The following SARDH variants were observed in gnomAD, a reference collection of about 807,000 sequenced individuals.
SARDH encodes the protein sarcosine dehydrogenase, mitochondrial.
SARDH carries 95 observed loss-of-function variants against 109.1 expected under a neutral mutation model. That is an observed-to-expected ratio of 0.87 (90% CI 0.74 to 1.03). The LOEUF is 1.03. Ranked by LOEUF, SARDH falls within the 50% of genes least tolerant of loss-of-function variation. The pLI is 0.00. For missense variants in SARDH, 1,267 were observed against 1,287.8 expected (o/e 0.98, Z 0.25); for synonymous variants, 572 against 534.8 (o/e 1.07, Z -0.96).
Position 133,712,691 on chromosome 9 carries a change from C to T in SARDH, c.1256G>A (p.Gly419Asp). Residue 419 changes from glycine (G) to aspartate (D), a missense_variant, in exon 10 of 21, where the codon GGC becomes GAC. Transcript: ENST00000439388. This position sits in a 1 kb window ranked among gnomAD's most constrained non-coding sequence, Gnocchi z 4.1. ...FNSAGMMLGG[G>D]CGQELAHWII... is the part of the protein sequence containing the mutation. ...CCAGTGGGCCAGCTCCTGCCCACAG[C>T]CACCACCCAGCATCATTCCTGGCAG... The T allele has an allele frequency of 6.2e-7, 1 of 1,609,468 alleles. No individual in the cohort carries two copies.
At position 133,731,255 on chromosome 9, in the gene SARDH, G is replaced by A. The variant is rs140019199; in HGVS notation, c.690+50C>T. ...CTTCTGCTCTCAGGGTTCTAAGGCA[G>A]GAGGAGTGGGCTGGGAACAGGGGAC... On this transcript the variant is annotated intron_variant, in intron 4 of 20. Coordinates refer to ENST00000439388, the MANE Select transcript of SARDH (RefSeq NM_001134707.2). The A allele has an allele frequency of 1.9e-3, 2,976 of 1,601,124 alleles. 49 individuals are homozygous for A. The African/African-American group carries it at 0.032, about 17-fold the overall frequency.
chr9:133,718,038 G>A lies in SARDH; in HGVS notation c.1021-583C>T, dbSNP rs1390714925. Among the ~76,000 whole-genome samples the A allele has an allele frequency of 6.6e-6, 1 of 152,130 alleles. No individual in the cohort carries two copies. Among genetic ancestry groups the A allele is most frequent in the Non-Finnish European group, 1.5e-5 (1 of 68,024 alleles). On this transcript the variant is annotated intron_variant, in intron 7 of 20. Coordinates refer to ENST00000439388, the MANE Select transcript of SARDH (RefSeq NM_001134707.2). The surrounding 1 kb of genome is among the most constrained non-coding windows in gnomAD (Gnocchi z 4.2). The stretch of plus-strand genomic sequence containing the variant: ...CCTTAACCTGCTAATTTTATTCAGT[G>A]CGCGATCATCTTCCAGAATTTCATT...
chr9:133,659,887 G>A (rs1353694459), downstream of SARDH, among the ~76,000 whole-genome samples: 1 of 152,094 alleles, frequency 6.6e-6, no homozygotes, highest in Non-Finnish European at 1.5e-5. Context: ...CCAATTGCCA[G>A]CCCAGAGAAG....
At chr9:133,719,796 C>G (rs1040095304) in intron 6 of SARDH, among the ~76,000 whole-genome samples, 2 of 152,164 alleles carry the variant, frequency 1.3e-5, no homozygotes, top group African/African-American at 4.8e-5. Flanking sequence ...TCCAATCACA[C>G]TGCTGCTCAC....
At chr9:133,703,874 C>T (rs911423438) in intron 12 of SARDH, among the ~76,000 whole-genome samples, 8 of 152,186 alleles carry the variant, frequency 5.3e-5, no homozygotes, top group African/African-American at 1.9e-4. Flanking sequence ...GGACATCCCA[C>T]CCACTGCAGC....
At chr9:133,720,110 A>AAAAT (rs1035920614) in intron 6 of SARDH, among the ~76,000 whole-genome samples, 2,360 of 149,880 alleles carry the variant, frequency 0.016, 68 homozygotes, top group African/African-American at 0.055. Flanking sequence ...ACTCCGTCTC[A>AAAAT]AAATAAATAA....
chr9:133,693,813 G>A lies in SARDH; in HGVS notation c.1921+445C>T, dbSNP rs192584350. Among the ~76,000 whole-genome samples, 6 of 152,326 alleles carry A rather than the reference G, an allele frequency of 3.9e-5. No individual in the cohort carries two copies. Among genetic ancestry groups the A allele is most frequent in the Admixed American group, 3.9e-4 (6 of 15,300 alleles). On this transcript the variant is annotated intron_variant, in intron 15 of 20. Transcript: ENST00000439388. This position sits in a 1 kb window ranked among gnomAD's most constrained non-coding sequence, Gnocchi z 5.6. The stretch of plus-strand genomic sequence containing the variant: ...AGCAGGCAATCAGGCATCAGCGTGG[G>A]CCCTGAACTGGACGTCTTCTAAGGG...
In SARDH at chr9:133,663,683, T is replaced by C; in HGVS notation, c.*206A>G. Reference sequence around the variant, plus strand: ...GCTTTCTGGGAGGATTGGGGTGGATTAGAGACTGCCTTCCAGTCAGTGACC... The same window carrying C: ...GCTTTCTGGGAGGATTGGGGTGGATCAGAGACTGCCTTCCAGTCAGTGACC... On this transcript the variant is annotated 3_prime_UTR_variant, in exon 21 of 21. Coordinates refer to ENST00000439388, the MANE Select transcript of SARDH (RefSeq NM_001134707.2). 1 of 665,742 alleles carries C rather than the reference T, an allele frequency of 1.5e-6. No homozygotes were observed. The highest frequency in any genetic ancestry group is 2.0e-5 in the South Asian group (1 of 51,176). The allele number at this position is 665,742 out of a possible 1,614,324, so 41.2% of individuals were successfully genotyped here. A position where few individuals can be genotyped will look rare whatever the true frequency, so the allele number is the denominator to read the frequency against.
chr9:133,738,790 C>A (rs1248186897), upstream of SARDH, among the ~76,000 whole-genome samples: 1 of 152,216 alleles, frequency 6.6e-6, no homozygotes, highest in East Asian at 1.9e-4. Context: ...AGTTTGCTCA[C>A]CCCCAGGGAC....
rs973776579 is a variant in SARDH at position 133,689,496 on chromosome 9, C to T, written c.2069+884G>A. On this transcript the variant is annotated intron_variant, in intron 16 of 20. Transcript: ENST00000439388. Reference sequence around the variant, plus strand: ...ACTCTTGAAAAAGGGTGGCGGTGAGCGTGTGCAGGCTTCTGAGCACAAGGG... The same window carrying T: ...ACTCTTGAAAAAGGGTGGCGGTGAGTGTGTGCAGGCTTCTGAGCACAAGGG... Among the ~76,000 whole-genome samples, 10 of 152,248 alleles carry T rather than the reference C, an allele frequency of 6.6e-5. No homozygotes were observed. The East Asian group carries it at 7.7e-4, about 12-fold the overall frequency.
At chr9:133,684,236 C>T (rs1588398714) in intron 17 of SARDH, among the ~76,000 whole-genome samples, 1 of 152,174 alleles carries the variant, frequency 6.6e-6, no homozygotes, top group African/African-American at 2.4e-5. Context: ...ACCTAGTGGG[C>T]GGCAGCCAGG....
intron 17 of SARDH, 36 bp downstream of exon 17, chr9:133,685,157 C>G: frequency 6.3e-7 from 1 of 1,585,412 alleles, no homozygotes; most frequent in Non-Finnish European, 8.6e-7. Flanking sequence ...CATGCTGCCA[C>G]CCACGACCCA....
rs762542123 is a variant in SARDH at position 133,693,948 on chromosome 9, AT to A, written c.1921+309del. On this transcript the variant is annotated intron_variant, in intron 15 of 20. Transcript: ENST00000439388. The surrounding 1 kb of genome is among the most constrained non-coding windows in gnomAD (Gnocchi z 5.6). ...CTTTGAGTGGGAGGCACGGCCTAGCATTGGTACGCTTTGTTCCGGGAAACCG... is the reference window on the plus strand; with the variant it reads ...CTTTGAGTGGGAGGCACGGCCTAGCATGGTACGCTTTGTTCCGGGAAACCG... 5.2e-4 allele frequency among the ~76,000 whole-genome samples: 79 copies of A among 152,348 alleles called. No homozygotes were observed. The highest frequency in any genetic ancestry group is 1.8e-3 in the Admixed American group (28 of 15,310).
chr9:133,670,822 A>C lies in SARDH; in HGVS notation c.2327-70T>G, dbSNP rs1588378791. 6 of 1,467,180 alleles carry C rather than the reference A, an allele frequency of 4.1e-6. No individual in the cohort carries two copies. The East Asian group carries it at 1.5e-4, about 36-fold the overall frequency. The allele number at this position is 1,467,180 out of a possible 1,614,324, so 90.9% of individuals were successfully genotyped here. A position where few individuals can be genotyped will look rare whatever the true frequency, so the allele number is the denominator to read the frequency against. ...TAAGCCCTTCAGGAGATGCATGAGG[A>C]TGCTGCCTAAACCCACCCCCTCCAG... On this transcript the variant is annotated intron_variant, in intron 18 of 20. Coordinates refer to ENST00000439388, the MANE Select transcript of SARDH (RefSeq NM_001134707.2).
chr9:133,721,140 C>T (rs967562852), intron 6 of SARDH, among the ~76,000 whole-genome samples: 5 of 152,136 alleles, frequency 3.3e-5, no homozygotes, highest in African/African-American at 9.7e-5. Context: ...AAGAGTCCTC[C>T]GATTGAAAAT....
chr9:133,668,425 T>C (rs1214533877), intron 19 of SARDH, among the ~76,000 whole-genome samples: 2 of 16,098 alleles, frequency 1.2e-4, no homozygotes, highest in African/African-American at 2.7e-4. Context: ...TCCCTCTCCC[T>C]TCACCCTCCC....
In SARDH at chr9:133,694,281, G is replaced by A; in HGVS notation, c.1898C>T (p.Ser633Phe). 3 of 1,550,104 alleles carry A rather than the reference G, an allele frequency of 1.9e-6. No homozygotes were observed. The highest frequency in any genetic ancestry group is 2.6e-6 in the Non-Finnish European group (3 of 1,146,524). ...ACCTTCAAAGGCGGGGGCCAGCGGG[G>A]AGGCCTGGTGGCTGGGTGCCAGGCG... Reference protein sequence around the residue: ...VSRLAPSHQASPLAPAFEGDG... With the variant: ...VSRLAPSHQAFPLAPAFEGDG... Residue 633 changes from serine to phenylalanine, a missense_variant, in exon 15 of 21, where the codon TCC (serine) becomes TTC (phenylalanine). Coordinates refer to ENST00000439388, the MANE Select transcript of SARDH (RefSeq NM_001134707.2).
Position 133,708,299 on chromosome 9 carries a change from GTC to G in SARDH, c.1456_1457del (p.Asp486ProfsTer86). ...GTAGGGGCGTTACCTCGTGCAGCGG[GTC>G]TCTCCTCATGTTGCGCCCGGCCAGC... Reference protein sequence around the residue: ...EPLAGRNMRRDPLHEELLGQG... With the variant: ...EPLAGRNMRRXPLHEELLGQG... On this transcript the variant is annotated frameshift_variant, in exon 11 of 21. Transcript: ENST00000439388. LOFTEE classifies it high-confidence loss of function. The G allele has an allele frequency of 6.2e-7, 1 of 1,612,800 alleles. No individual in the cohort carries two copies. The highest frequency in any genetic ancestry group is 8.5e-7 in the Non-Finnish European group (1 of 1,179,488).
chr9:133,663,831 C>T lies in SARDH; in HGVS notation c.*58G>A, dbSNP rs764084905. On this transcript the variant is annotated 3_prime_UTR_variant, in exon 21 of 21. Transcript: ENST00000439388. The stretch of plus-strand genomic sequence containing the variant: ...GGTCCAGGGTCCTGGGACCCAGGGC[C>T]ATTTGGGACCTGTGAGAATGGATGG... 21 of 1,604,844 alleles carry T rather than the reference C, an allele frequency of 1.3e-5. No homozygotes were observed. Among genetic ancestry groups the T allele is most frequent in the African/African-American group, 2.7e-5 (2 of 74,922 alleles).
Sources: allele counts gnomAD v4.1 joint callset (sites outside exome capture counted in the v4.1 genomes callset), GRCh38; gene constraint gnomAD v4.1.1; non-coding constraint Gnocchi (gnomAD v3.1); transcripts MANE v1.5; gene names NCBI Gene and HGNC (gene_info 2026-07-23, HGNC 2026-07-21).